Variants in NLRP5 observed in about 807,000 individuals in gnomAD.
NLRP5 encodes NACHT, LRR and PYD domains-containing protein 5.
A neutral mutation model predicts 113.1 loss-of-function variants in NLRP5; 93 were observed. The observed-to-expected ratio is 0.82, with a 90% CI of 0.70 to 0.98. The LOEUF is 0.98. Ranked by LOEUF, NLRP5 falls within the 50% of genes least tolerant of loss-of-function variation. NLRP5 has a pLI of 0.00. For missense variants in NLRP5, 1,808 were observed against 1,514.3 expected, an observed-to-expected ratio of 1.19 and a Z score of -3.22; for synonymous variants, 751 against 600.7, an observed-to-expected ratio of 1.25 and a Z score of -3.66.
At chr19:55,998,686 A>ATGTGTGTGTG (rs1374764391), upstream of NLRP5, among the ~76,000 whole-genome samples, 1 of 47,554 alleles carries the variant, frequency 2.1e-5, no homozygotes. Context: ...ATATATATAT[A>ATGTGTGTGTG]TATATATATA....
chr19:55,995,839 A>G (rs1981307078), upstream of NLRP5, among the ~76,000 whole-genome samples: 1 of 151,984 alleles, frequency 6.6e-6, no homozygotes, highest in Non-Finnish European at 1.5e-5. Flanking sequence ...TGTAGCTATT[A>G]TAAAGGACAT....
chr19:55,987,921 A>G, the NLRP5 span: 1 of 1,598,044 alleles, frequency 6.3e-7, no homozygotes, highest in Non-Finnish European at 8.6e-7. Flanking sequence ...TAGGCCGTCC[A>G]GTCATCTTTC....
intron 1 of NLRP5, among the ~76,000 whole-genome samples, chr19:56,001,076 C>T (rs553169081): frequency 6.6e-6 from 1 of 151,690 alleles, no homozygotes; most frequent in East Asian, 1.9e-4. Flanking sequence ...AATCCCAACA[C>T]TTTGGGAGGC....
intron 7 of NLRP5, among the ~76,000 whole-genome samples, chr19:56,030,369 C>CAA (rs543153122): frequency 6.9e-6 from 1 of 145,346 alleles, no homozygotes; most frequent in Non-Finnish European, 1.5e-5. Flanking sequence ...GACTCTATCT[C>CAA]AAAAAAAAAA....
At chr19:56,045,589 G>A (rs1599906455) in intron 11 of NLRP5, among the ~76,000 whole-genome samples, 1 of 152,168 alleles carries the variant, frequency 6.6e-6, no homozygotes, top group East Asian at 1.9e-4. Context: ...AGTGTGTGAT[G>A]TTCCCCTTCC....
chr19:56,022,072 G>A (rs1388967011), intron 6 of NLRP5, among the ~76,000 whole-genome samples: 1 of 152,168 alleles, frequency 6.6e-6, no homozygotes, highest in African/African-American at 2.4e-5. Flanking sequence ...ACTAATGGTT[G>A]CCAGTGTTGT....
At chr19:55,992,489 T>A in the NLRP5 span, among the ~76,000 whole-genome samples, 20 of 152,282 alleles carry the variant, frequency 1.3e-4, no homozygotes, top group South Asian at 3.9e-3. Context: ...CCACCAACAG[T>A]GTATAAGCTT....
Position 56,058,267 on chromosome 19 carries a change from T to C in NLRP5, c.3327T>C (p.Asp1109=), listed in dbSNP as rs1984230265. Residue 1109 remains aspartate, a synonymous_variant, in exon 14 of 15, where the codon GAT becomes GAC. Transcript: ENST00000390649. ...TGAAGGCATGTGGACTGACTTCTGA[T>C]TGCTGTGAGGCACTCTCCTTGGCCC... The C allele has an allele frequency of 6.2e-7, 1 of 1,613,884 alleles. No individual in the cohort carries two copies. Among genetic ancestry groups the C allele is most frequent in the African/African-American group, 1.3e-5 (1 of 75,044 alleles).
At chr19:56,001,324 T>TTA (rs763688668) in intron 1 of NLRP5, among the ~76,000 whole-genome samples, 10 of 120,658 alleles carry the variant, frequency 8.3e-5, no homozygotes, top group Admixed American at 6.0e-4. Flanking sequence ...CTCAGTCATT[T>TTA]AAAAAAAAAA....
In NLRP5 at chr19:56,027,864, C is replaced by G; in HGVS notation, c.1631C>G (p.Ser544Ter). The stretch of plus-strand genomic sequence containing the variant: ...GTGGAGGGAGTGTGGAATAGGAAGT[C>G]AGTGTTTGACGGTGACGACCTCATG... Residue 544 changes from serine (S) to a stop codon, truncating the protein, a stop_gained, in exon 7 of 15, where the codon TCA becomes TGA. Transcript: ENST00000390649. LOFTEE classifies it high-confidence loss of function. The G allele has an allele frequency of 1.2e-6, 2 of 1,613,912 alleles. No homozygotes were observed. Among genetic ancestry groups the G allele is most frequent in the Non-Finnish European group, 1.7e-6 (2 of 1,179,846 alleles).
At chr19:56,036,197 A>G (rs923728884) in intron 9 of NLRP5, among the ~76,000 whole-genome samples, 4 of 150,430 alleles carry the variant, frequency 2.7e-5, no homozygotes, top group South Asian at 2.1e-4. Context: ...CTAAGTAGCT[A>G]GGACTACAGG....
At chr19:56,010,248 G>C (rs1436065652) in intron 3 of NLRP5, among the ~76,000 whole-genome samples, 1 of 152,246 alleles carries the variant, frequency 6.6e-6, no homozygotes, top group Middle Eastern at 3.4e-3. Context: ...GTCATGCAGC[G>C]AGACCCAGAA....
chr19:56,027,314 A>G lies in NLRP5; in HGVS notation c.1081A>G (p.Ile361Val). ...CCGACCAGAAAGGCTGTTGTTCATC[A>G]TTGACGGTTTCGATGACCTGGGCTC... Residue 361 changes from isoleucine (I) to valine (V), a missense_variant, in exon 7 of 15, where the codon ATT (isoleucine) becomes GTT (valine). Transcript: ENST00000390649. 1 of 1,612,486 alleles carries G rather than the reference A, an allele frequency of 6.2e-7. No individual in the cohort carries two copies. Among genetic ancestry groups the G allele is most frequent in the South Asian group, 1.1e-5 (1 of 91,054 alleles).
At chr19:56,051,435 C>T (rs1163370809) in intron 12 of NLRP5, among the ~76,000 whole-genome samples, 2 of 152,148 alleles carry the variant, frequency 1.3e-5, no homozygotes, top group Non-Finnish European at 2.9e-5. Context: ...TCAGGCAATC[C>T]ACCCACTTTG....
chr19:56,047,854 T>G (rs543371516), intron 11 of NLRP5, among the ~76,000 whole-genome samples: 4 of 152,354 alleles, frequency 2.6e-5, no homozygotes, highest in Admixed American at 1.3e-4. Flanking sequence ...TGTTGCTATC[T>G]ATCTCATTTT....
At chr19:56,040,437 G>A (rs1005877826) in intron 10 of NLRP5, among the ~76,000 whole-genome samples, 2 of 152,076 alleles carry the variant, frequency 1.3e-5, no homozygotes, top group Non-Finnish European at 2.9e-5. Flanking sequence ...ACATGGTGGT[G>A]CATGCCTATG....
chr19:56,047,252 C>A (rs1020138866), intron 11 of NLRP5, among the ~76,000 whole-genome samples: 3 of 152,032 alleles, frequency 2.0e-5, no homozygotes, highest in Admixed American at 2.0e-4. Flanking sequence ...CTGCTCTGAT[C>A]TTGGTTATTT....
At chr19:55,990,243 G>T in the NLRP5 span, among the ~76,000 whole-genome samples, 4 of 151,350 alleles carry the variant, frequency 2.6e-5, no homozygotes, top group Admixed American at 2.0e-4. Context: ...CACACGCCAC[G>T]ATGCCCGGCT....
intron 9 of NLRP5, among the ~76,000 whole-genome samples, chr19:56,036,441 A>T (rs1285504694): frequency 6.6e-6 from 1 of 152,134 alleles, no homozygotes; most frequent in African/African-American, 2.4e-5. Context: ...GGACATGCTG[A>T]TAAATGAAAC....
Sources: allele counts gnomAD v4.1 joint callset (sites outside exome capture counted in the v4.1 genomes callset), GRCh38; gene constraint gnomAD v4.1.1; transcripts MANE v1.5; gene names NCBI Gene and HGNC (gene_info 2026-07-23, HGNC 2026-07-21).